The following IFIH1 variants were observed in gnomAD, a reference collection of about 807,000 sequenced individuals.
IFIH1 encodes interferon-induced helicase C domain-containing protein 1.
In IFIH1, 125 loss-of-function variants were observed where a neutral mutation model predicts 107.4. The ratio of observed to expected loss-of-function variants is 1.16; its 90% CI spans 1.01 to 1.35. The LOEUF (loss-of-function observed/expected upper bound fraction) is 1.35. Ranked by LOEUF, IFIH1 falls within the 40% of genes most tolerant of loss-of-function variation. The pLI is 0.00. For missense variants in IFIH1, 1,333 were observed against 1,213.7 expected (o/e 1.10, Z -1.46); for synonymous variants, 458 against 413.2 (o/e 1.11, Z -1.31).
In IFIH1 at chr2:162,272,384, G is replaced by A. The variant is rs1427762000; in HGVS notation, c.2458C>T (p.Arg820Cys). The A allele has an allele frequency of 6.2e-6, 10 of 1,610,248 alleles. No individual in the cohort carries two copies. The East Asian group carries it at 6.7e-5, about 11-fold the overall frequency. ...VTNEIAMVQA[R>C]GRARADESTY... Reference sequence around the variant, plus strand: ...CTCTCATCAGCTCTGGCTCGACCACGGGCCTGAAAACACAAATAAATCAAG... The same window carrying A: ...CTCTCATCAGCTCTGGCTCGACCACAGGCCTGAAAACACAAATAAATCAAG... Residue 820 changes from arginine (R) to cysteine (C), a missense_variant, in exon 13 of 16, where the codon CGT becomes TGT. By Grantham distance (180) the Arg-to-Cys change is radical. Coordinates refer to ENST00000649979, the MANE Select transcript of IFIH1 (RefSeq NM_022168.4).
chr2:162,295,377 A>C (rs996557637), intron 3 of IFIH1, among the ~76,000 whole-genome samples: 2 of 151,912 alleles, frequency 1.3e-5, no homozygotes. Context: ...GTGTATTACT[A>C]ATTTGTTCCT....
At chr2:162,290,609 T>C (rs1682980163) in intron 4 of IFIH1, among the ~76,000 whole-genome samples, 1 of 151,952 alleles carries the variant, frequency 6.6e-6, no homozygotes, top group African/African-American at 2.4e-5. Flanking sequence ...ATAATATAGT[T>C]GTTGTCCTGA....
At position 162,314,960 on chromosome 2, in the gene IFIH1, TTTGGGTAC is replaced by T. The variant is rs563577329; in HGVS notation, c.453+2887_453+2894del. On this transcript the variant is annotated intron_variant, in intron 1 of 15. Transcript: ENST00000649979. ...GAATGAGTGAATGAATGAATAAGTTTTTGGGTACTTGCTGGACACAAACCTATGTATAA... is the reference window on the plus strand; with the variant it reads ...GAATGAGTGAATGAATGAATAAGTTTTTGCTGGACACAAACCTATGTATAA... Among the ~76,000 whole-genome samples, 19 of 152,304 alleles carry T rather than the reference TTTGGGTAC, an allele frequency of 1.2e-4. No individual in the cohort carries two copies. The East Asian group carries it at 3.5e-3, about 28-fold the overall frequency.
At chr2:162,279,557 T>C (rs1682769598) in intron 8 of IFIH1, among the ~76,000 whole-genome samples, 1 of 152,064 alleles carries the variant, frequency 6.6e-6, no homozygotes, top group African/African-American at 2.4e-5. Context: ...AGAAAGTAAA[T>C]ATGCAAGTAT....
intron 3 of IFIH1, among the ~76,000 whole-genome samples, chr2:162,301,873 A>G (rs1185524275): frequency 1.3e-5 from 2 of 152,218 alleles, no homozygotes; most frequent in Non-Finnish European, 2.9e-5. Context: ...AGCATCCAGC[A>G]TTAAATTGCC....
At chr2:162,307,227 A>G in intron 2 of IFIH1, 1 of 158,348 alleles carries the variant, frequency 6.3e-6, no homozygotes, top group East Asian at 1.8e-4. Flanking sequence ...AGCTAAAAAA[A>G]CAATATAAGC....
intron 4 of IFIH1, among the ~76,000 whole-genome samples, chr2:162,289,068 T>A (rs1001296895): frequency 7.2e-5 from 11 of 151,834 alleles, no homozygotes; most frequent in Admixed American, 1.3e-4. Flanking sequence ...CTTTAATTGG[T>A]AGGTTTTCCT....
Position 162,310,856 on chromosome 2 carries a change from C to T in IFIH1, c.531G>A (p.Trp177Ter). ...GAAGAACATTCAGAAATGCAGAGAA[C>T]CAGTTTTCTTTCTGCACAATCCTTT... ...LLKRIVQKEN[W>*]FSAFLNVLRQ... Residue 177 changes from tryptophan to a stop codon, truncating the protein, a stop_gained, in exon 2 of 16, where the codon TGG (tryptophan) becomes TGA (stop). Transcript: ENST00000649979. LOFTEE classifies it high-confidence loss of function. The T allele has an allele frequency of 6.2e-7, 1 of 1,612,856 alleles. No homozygotes were observed.
intron 3 of IFIH1, among the ~76,000 whole-genome samples, chr2:162,295,893 T>C (rs1465820537): frequency 2.0e-5 from 3 of 152,002 alleles, no homozygotes; most frequent in Non-Finnish European, 4.4e-5. Flanking sequence ...AAAATGTCAT[T>C]GCAAGAGTAA....
chr2:162,287,551 T>C (rs1396100617), intron 5 of IFIH1, among the ~76,000 whole-genome samples: 2 of 151,784 alleles, frequency 1.3e-5, no homozygotes, highest in Non-Finnish European at 2.9e-5. Flanking sequence ...TAATGTAATA[T>C]GTGTATATTT....
chr2:162,267,714 G>C, intron 14 of IFIH1, 145 bp from the exon 15 acceptor site: 1 of 661,046 alleles, frequency 1.5e-6, no homozygotes, highest in Non-Finnish European at 2.6e-6. Flanking sequence ...TCCCAGGCTT[G>C]TTATTGCAAC....
At position 162,317,981 on chromosome 2, in the gene IFIH1, G is replaced by A. The variant is rs1239223030; in HGVS notation, c.327C>T (p.Asn109=). Residue 109 remains asparagine (N), a synonymous_variant, in exon 1 of 16, where the codon AAC becomes AAT. Coordinates refer to ENST00000649979, the MANE Select transcript of IFIH1 (RefSeq NM_022168.4). ...GCAGTTGGAGATATTCATCATGAGC[G>A]TTCTCAAACGATGGAGAGGGCAAGT... ...LTDLPSPSFE[N]AHDEYLQLLN... 9 of 1,614,074 alleles carry A rather than the reference G, an allele frequency of 5.6e-6. No homozygotes were observed. The highest frequency in any genetic ancestry group is 1.7e-5 in the Admixed American group (1 of 60,010).
chr2:162,292,566 C>T (rs1478371754), intron 4 of IFIH1, among the ~76,000 whole-genome samples: 1 of 151,702 alleles, frequency 6.6e-6, no homozygotes. Flanking sequence ...CCACCTTAGG[C>T]CTCTTGTGGA....
In IFIH1 at chr2:162,318,353, C is replaced by T; in HGVS notation, c.-46G>A. The T allele has an allele frequency of 6.7e-7, 1 of 1,500,134 alleles. No individual in the cohort carries two copies. The highest frequency in any genetic ancestry group is 9.2e-7 in the Non-Finnish European group (1 of 1,088,270). The allele number at this position is 1,500,134 out of a possible 1,614,324, so 92.9% of individuals were successfully genotyped here. A position where few individuals can be genotyped will look rare whatever the true frequency, so the allele number is the denominator to read the frequency against. On this transcript the variant is annotated 5_prime_UTR_variant, in exon 1 of 16. Transcript: ENST00000649979. ...AGAGGGTTCTCCCAAGCAGATGGTG[C>T]TGTTGTCTGCGGGACAGGTGAAATG...
chr2:162,286,488 C>T (rs1682895428), intron 5 of IFIH1, among the ~76,000 whole-genome samples: 1 of 151,890 alleles, frequency 6.6e-6, no homozygotes, highest in Non-Finnish European at 1.5e-5. Flanking sequence ...CTTTTCAACT[C>T]TATTAGCCTA....
At chr2:162,282,290 A>C (rs1161638146) in intron 6 of IFIH1, 76 bp downstream of exon 6, 2 of 941,262 alleles carry the variant, frequency 2.1e-6, no homozygotes, top group Admixed American at 2.6e-5. Flanking sequence ...GAACATTTAA[A>C]AAATTAACAA....
Position 162,278,254 on chromosome 2 carries a change from A to G in IFIH1, c.1716T>C (p.Asp572=), listed in dbSNP as rs760261449. The G allele has an allele frequency of 3.9e-5, 63 of 1,597,188 alleles. 3 individuals are homozygous for G. In the South Asian group the frequency reaches 6.8e-4, roughly 17 times the overall value. The part of the protein sequence containing the change: ...QTYCQMSPMS[D]FGTQPYEQWA... ...ATTGTTCATAGGGTTGAGTTCCAAA[A>G]TCTGACATTGGACTCATTTGACAAT... is the stretch of plus-strand genomic sequence containing the variant. The change falls in exon 9 of 16, where the codon GAT becomes GAC. Residue 572 remains aspartate, a synonymous_variant. Transcript: ENST00000649979.
intron 4 of IFIH1, among the ~76,000 whole-genome samples, chr2:162,288,922 C>CACACACACACACACAA (rs1333521549): frequency 1.3e-3 from 154 of 122,136 alleles, no homozygotes; most frequent in African/African-American, 8.4e-3. Flanking sequence ...AAAAAGCACA[C>CACACACACACACACAA]ACACACACAC....
At chr2:162,314,416 T>TTTCTTTC (rs71009355) in intron 1 of IFIH1, among the ~76,000 whole-genome samples, 11 of 51,466 alleles carry the variant, frequency 2.1e-4, no homozygotes, top group Non-Finnish European at 3.1e-4. Flanking sequence ...TCTTTCTTTC[T>TTTCTTTC]TTTCTTTCTT....
Sources: allele counts gnomAD v4.1 joint callset (sites outside exome capture counted in the v4.1 genomes callset), GRCh38; gene constraint gnomAD v4.1.1; transcripts MANE v1.5; gene names NCBI Gene and HGNC (gene_info 2026-07-23, HGNC 2026-07-21).